The following TNR variants were observed in gnomAD, a reference collection of about 807,000 sequenced individuals.
TNR encodes the protein tenascin-R.
In TNR, 45 loss-of-function variants were observed where a neutral mutation model predicts 150.4. The ratio of observed to expected loss-of-function variants is 0.30; its 90% CI spans 0.24 to 0.38. The LOEUF is 0.38. Among genes scored for constraint, TNR ranks in the 10% least tolerant of loss-of-function variants. The pLI, the probability that TNR is intolerant of heterozygous loss-of-function variation, is 1.00. For synonymous variants in TNR, 687 were observed against 678.4 expected, an observed-to-expected ratio of 1.01 and a Z score of -0.20; for missense variants, 1,544 against 1,759.1, an observed-to-expected ratio of 0.88 and a Z score of 2.19.
At chr1:175,720,200 A>C (rs1022324361) in intron 1 of TNR, among the ~76,000 whole-genome samples, 1 of 152,234 alleles carries the variant, frequency 6.6e-6, no homozygotes, top group African/African-American at 2.4e-5. Context: ...CTCTGATCAG[A>C]TAGGATCAGC....
chr1:175,508,625 G>T (rs1164312061), intron 2 of TNR, among the ~76,000 whole-genome samples: 1 of 152,232 alleles, frequency 6.6e-6, no homozygotes, highest in Non-Finnish European at 1.5e-5. Context: ...AGGCCCACAT[G>T]ATGAGAAGAG....
chr1:175,679,303 G>A (rs1157548608), intron 1 of TNR, among the ~76,000 whole-genome samples: 2 of 152,128 alleles, frequency 1.3e-5, no homozygotes, highest in Non-Finnish European at 2.9e-5. Context: ...CAGGCTCCTG[G>A]GCCAGACAGC....
chr1:175,458,801 T>C (rs1656681281), intron 2 of TNR, among the ~76,000 whole-genome samples: 1 of 152,084 alleles, frequency 6.6e-6, no homozygotes, highest in Non-Finnish European at 1.5e-5. Context: ...TAAGAAAAAA[T>C]ATTTTGAATG....
intron 2 of TNR, among the ~76,000 whole-genome samples, chr1:175,468,382 A>C (rs1367708315): frequency 6.6e-6 from 1 of 152,238 alleles, no homozygotes; most frequent in Middle Eastern, 3.2e-3. Context: ...GGCATCTGGC[A>C]TAATAATCAC....
At chr1:175,677,884 A>G (rs946869513) in intron 1 of TNR, among the ~76,000 whole-genome samples, 2 of 152,202 alleles carry the variant, frequency 1.3e-5, no homozygotes, top group Non-Finnish European at 2.9e-5. Context: ...TTTATTAAGT[A>G]GAGAAGAAGG....
intron 9 of TNR, among the ~76,000 whole-genome samples, chr1:175,375,766 C>T (rs1219554649): frequency 1.3e-5 from 2 of 152,146 alleles, no homozygotes; most frequent in African/African-American, 2.4e-5. Flanking sequence ...AAAGGCCAGG[C>T]TGCCACGGCT....
chr1:175,659,979 T>C (rs1665313116), intron 1 of TNR, among the ~76,000 whole-genome samples: 1 of 146,776 alleles, frequency 6.8e-6, no homozygotes, highest in Non-Finnish European at 1.5e-5. Flanking sequence ...ATTTTGGAGG[T>C]GGATCTGGGT....
At chr1:175,667,212 T>C (rs1337602644) in intron 1 of TNR, among the ~76,000 whole-genome samples, 2 of 152,180 alleles carry the variant, frequency 1.3e-5, no homozygotes, top group Admixed American at 1.3e-4. Context: ...CTCTCCATCC[T>C]CTGTGCTCTC....
chr1:175,710,810 A>G (rs900038050), intron 1 of TNR, among the ~76,000 whole-genome samples: 1 of 152,024 alleles, frequency 6.6e-6, no homozygotes, highest in Non-Finnish European at 1.5e-5. Flanking sequence ...GGCTCCTGTC[A>G]TGTTGTTTTT....
At chr1:175,686,633 T>C (rs1666210530) in intron 1 of TNR, among the ~76,000 whole-genome samples, 1 of 152,202 alleles carries the variant, frequency 6.6e-6, no homozygotes, top group Admixed American at 6.5e-5. Flanking sequence ...TTTTTAACCC[T>C]TGTCCCCTCC....
intron 1 of TNR, among the ~76,000 whole-genome samples, chr1:175,665,101 G>A (rs1272498582): frequency 6.6e-6 from 1 of 152,234 alleles, no homozygotes; most frequent in African/African-American, 2.4e-5. Flanking sequence ...TAGCCAGTTG[G>A]TCTTCTAAAT....
intron 1 of TNR, among the ~76,000 whole-genome samples, chr1:175,719,571 C>T (rs1487340301): frequency 6.6e-6 from 1 of 152,194 alleles, no homozygotes; most frequent in Admixed American, 6.5e-5. Flanking sequence ...TTAGAATTGT[C>T]CTGGGATGCA....
intron 2 of TNR, among the ~76,000 whole-genome samples, chr1:175,413,857 G>A (rs1438929676): frequency 6.6e-6 from 1 of 152,200 alleles, no homozygotes; most frequent in Non-Finnish European, 1.5e-5. Flanking sequence ...AGAGAGTTGG[G>A]CACAGTGGTT....
chr1:175,447,772 G>A (rs1010751601), intron 2 of TNR, among the ~76,000 whole-genome samples: 2 of 152,132 alleles, frequency 1.3e-5, no homozygotes, highest in Non-Finnish European at 2.9e-5. Flanking sequence ...CCTTAGCTCC[G>A]TGTGGTCAGG....
chr1:175,649,929 T>A (rs989791183), intron 1 of TNR, among the ~76,000 whole-genome samples: 2 of 151,934 alleles, frequency 1.3e-5, no homozygotes, highest in Non-Finnish European at 2.9e-5. Context: ...TTTCCCTCAT[T>A]TTTTTTTGAA....
chr1:175,445,066 T>C (rs1655978462), intron 2 of TNR, among the ~76,000 whole-genome samples: 1 of 152,162 alleles, frequency 6.6e-6, no homozygotes, highest in South Asian at 2.1e-4. Flanking sequence ...GTTAGGAGAT[T>C]GAGACCATCC....
Position 175,379,736 on chromosome 1 carries a change from C to A in TNR, c.1779G>T (p.Glu593Asp). 2 of 1,613,930 alleles carry A rather than the reference C, an allele frequency of 1.2e-6. No individual in the cohort carries two copies. Among genetic ancestry groups the A allele is most frequent in the Non-Finnish European group, 1.7e-6 (2 of 1,179,876 alleles). ...SDSATTQFTT[E>D]IDAPKNLRVG... ...CTCGCAAGTTCTTGGGGGCATCGATCTCTAAAAATAGACAGACATCACCAA... is the reference window on the plus strand; with the variant it reads ...CTCGCAAGTTCTTGGGGGCATCGATATCTAAAAATAGACAGACATCACCAA... Residue 593 changes from glutamate to aspartate, a missense_variant and splice_region_variant, in exon 9 of 23, where the codon GAG becomes GAT. Around this residue, in one of 2 missense-constraint regions of TNR, gnomAD observed 1,254 missense variants for 1,329.4 expected, o/e 0.94. Transcript: ENST00000367674.
intron 2 of TNR, among the ~76,000 whole-genome samples, chr1:175,487,889 T>C (rs1658081528): frequency 6.6e-6 from 1 of 152,204 alleles, no homozygotes; most frequent in African/African-American, 2.4e-5. Flanking sequence ...TAATTATGTC[T>C]CTATGATGGT....
chr1:175,579,233 C>T (rs1662254453), intron 1 of TNR, among the ~76,000 whole-genome samples: 1 of 145,468 alleles, frequency 6.9e-6, no homozygotes, highest in South Asian at 2.2e-4. Flanking sequence ...TCTTGCCTGC[C>T]TACCTGCCTG....
Sources: gnomAD v4.1 joint callset for allele counts (sites outside exome capture counted in the v4.1 genomes callset) on GRCh38, gnomAD v4.1.1 for gene constraint, gnomAD v4.1.1 regional missense constraint, MANE v1.5 for transcripts, NCBI Gene and HGNC (gene_info 2026-07-23, HGNC 2026-07-21) for gene names.